Variants in CTSB observed in about 807,000 individuals in gnomAD.
The protein encoded by CTSB is APP secretase.
In CTSB, 57 loss-of-function variants were observed where a neutral mutation model predicts 44.3. The observed-to-expected ratio is 1.29, with a 90% CI of 1.04 to 1.60. CTSB has a LOEUF of 1.60. CTSB is among the 40% of genes most tolerant of loss of function. The pLI is 0.00. For missense variants in CTSB, 768 were observed against 443.0 expected, an observed-to-expected ratio of 1.73 and a Z score of -6.59; for synonymous variants, 320 against 168.0, an observed-to-expected ratio of 1.91 and a Z score of -7.00.
intron 1 of CTSB, among the ~76,000 whole-genome samples, chr8:11,860,722 G>A (rs1262682694): frequency 2.0e-5 from 3 of 152,248 alleles, no homozygotes; most frequent in Non-Finnish European, 4.4e-5. Flanking sequence ...CAGCAGAGCG[G>A]CTAAGAGCAC....
intron 7 of CTSB, among the ~76,000 whole-genome samples, 195 bp from the exon 8 acceptor site, chr8:11,847,363 G>A (rs1046596495): frequency 6.6e-6 from 1 of 152,156 alleles, no homozygotes; most frequent in Non-Finnish European, 1.5e-5. Flanking sequence ...CTCAGAAATG[G>A]GAGAACGGAG....
chr8:11,855,327 C>A (rs996270973), intron 1 of CTSB, among the ~76,000 whole-genome samples: 1 of 152,080 alleles, frequency 6.6e-6, no homozygotes, highest in Non-Finnish European at 1.5e-5. Context: ...GCCCACAGAT[C>A]TTAATTTAAA....
chr8:11,859,925 C>T (rs1337746305), intron 1 of CTSB, among the ~76,000 whole-genome samples: 3 of 151,330 alleles, frequency 2.0e-5, no homozygotes, highest in African/African-American at 7.3e-5. Context: ...ATACAAAACT[C>T]AGCCGGGCAT....
chr8:11,859,487 A>C (rs1441646630), intron 1 of CTSB, among the ~76,000 whole-genome samples: 1 of 152,182 alleles, frequency 6.6e-6, no homozygotes, highest in Admixed American at 6.5e-5. Context: ...CTGGCCAGGC[A>C]CAGTGGCTCA....
rs932158186 is a variant in CTSB, at chr8:11,846,707, C to G, written c.793+345G>C. ...ACAGAAACATGCTGGTAAAGCAATGCAAAGCCAGGAAGGCGAGGGCAGGCG... is the reference window on the plus strand; with the variant it reads ...ACAGAAACATGCTGGTAAAGCAATGGAAAGCCAGGAAGGCGAGGGCAGGCG... On this transcript the variant is annotated intron_variant, in intron 8 of 9. Transcript: ENST00000353047. Among the ~76,000 whole-genome samples the G allele has an allele frequency of 2.0e-5, 3 of 152,330 alleles. No individual in the cohort carries two copies. In the South Asian group the frequency reaches 6.2e-4, roughly 32 times the overall value.
In CTSB at chr8:11,842,537, A is replaced by G. The variant is rs912696566; in HGVS notation, c.*2588T>C. On this transcript the variant is annotated 3_prime_UTR_variant, in exon 10 of 10. Transcript: ENST00000353047. ...GAATCAACTCAGTTTGGGAGCAGGG[A>G]GAACTTTATTGAGGTTATGAATATA... 5.9e-5 allele frequency: 9 copies of G among 152,220 alleles called. No homozygotes were observed. The highest frequency in any genetic ancestry group is 2.2e-4 in the African/African-American group (9 of 41,444). The allele number at this position is 152,220 out of a possible 1,614,324, so 9.4% of individuals were successfully genotyped here.
rs1187289696 is a variant in CTSB at position 11,845,705 on chromosome 8, T to G, written c.878A>C (p.Tyr293Ser). 1.9e-6 allele frequency: 3 copies of G among 1,613,956 alleles called. No homozygotes were observed. The highest frequency in any genetic ancestry group is 1.3e-5 in the African/African-American group (1 of 74,922). Residue 293 changes from tyrosine (Y) to serine (S), a missense_variant, in exon 9 of 10, where the codon TAC (tyrosine) becomes TCC (serine). Tyr to Ser is a moderately radical substitution (Grantham distance 144, BLOSUM62 -2). Transcript: ENST00000353047. ...LGWGVENGTP[Y>S]WLVANSWNTD... is the part of the protein sequence containing the mutation. ...GTTCCAGGAGTTGGCAACCAGCCAG[T>G]AGGGTGTGCCATTCTCCACTCCCCA...
At chr8:11,864,720 G>C (rs902977686) in intron 1 of CTSB, among the ~76,000 whole-genome samples, 5 of 152,010 alleles carry the variant, frequency 3.3e-5, no homozygotes, top group Non-Finnish European at 7.4e-5. Flanking sequence ...ACTTTGGGAG[G>C]CGAGGCGGGC....
intron 4 of CTSB, 57 bp from the exon 5 acceptor site, chr8:11,849,221 G>A (rs1355819809): frequency 1.1e-5 from 16 of 1,456,856 alleles, no homozygotes; most frequent in Middle Eastern, 2.3e-4. Context: ...GCCCTCTGCA[G>A]CAGTCCCCTC....
rs1813518757 is a variant in CTSB, at chr8:11,847,094, C to G, written c.751G>C (p.Gly251Arg). Reference protein sequence around the residue: ...AEIYKNGPVEGAFSVYSDFLL... With the variant: ...AEIYKNGPVERAFSVYSDFLL... ...AAGTCCGAATACACAGAGAAAGCTC[C>G]CTCCACGGGGCCGTTTTTGTAGATC... Residue 251 changes from glycine to arginine, a missense_variant, in exon 8 of 10, where the codon GGA becomes CGA. By Grantham distance (125) the Gly-to-Arg change is moderately radical. Transcript: ENST00000353047. The G allele has an allele frequency of 1.2e-6, 2 of 1,613,558 alleles. No homozygotes were observed. Among genetic ancestry groups the G allele is most frequent in the Non-Finnish European group, 1.7e-6 (2 of 1,179,440 alleles).
rs2272766 is a variant in CTSB, at chr8:11,850,846, G to A, written c.327+20C>T. Reference sequence around the variant, plus strand: ...CCCACTTTCTCTCCAGCGCTTCCCCGCCAGCCAGCAGGGCCTTACCCAGCA... The same window carrying A: ...CCCACTTTCTCTCCAGCGCTTCCCCACCAGCCAGCAGGGCCTTACCCAGCA... On this transcript the variant is annotated intron_variant, in intron 4 of 9. Coordinates refer to ENST00000353047, the MANE Select transcript of CTSB (RefSeq NM_001908.5). 0.37 allele frequency: 577,136 copies of A among 1,578,260 alleles called. 106,796 individuals carry two copies. The highest frequency in any genetic ancestry group is 0.49 in the East Asian group (21,805 of 44,464).
intron 8 of CTSB, 39 bp downstream of exon 8, chr8:11,847,010 CCCG>C: frequency 1.1e-6 from 1 of 910,518 alleles, no homozygotes; most frequent in Non-Finnish European, 1.8e-6. Flanking sequence ...AGGCTCCCCT[CCCG>C]ACCCCCACCC....
intron 4 of CTSB, among the ~76,000 whole-genome samples, chr8:11,850,438 A>AAAAC (rs1814359729): frequency 1.4e-5 from 1 of 69,012 alleles, no homozygotes; most frequent in African/African-American, 5.2e-5. Flanking sequence ...AAAAAAAAAA[A>AAAAC]AAAGAAAGAA....
Position 11,844,392 on chromosome 8 carries a change from A to C in CTSB, c.*733T>G, listed in dbSNP as rs752935933. ...ACAGGGTGAAGCTGTAATTTTTCAAAAACAGTAAAAGCTGGTTTCTCCTAA... is the reference window on the plus strand; with the variant it reads ...ACAGGGTGAAGCTGTAATTTTTCAACAACAGTAAAAGCTGGTTTCTCCTAA... On this transcript the variant is annotated 3_prime_UTR_variant, in exon 10 of 10. Transcript: ENST00000353047. The C allele has an allele frequency of 2.6e-5, 4 of 152,174 alleles. No homozygotes were observed. The highest frequency in any genetic ancestry group is 9.7e-5 in the African/African-American group (4 of 41,430). The allele number at this position is 152,174 out of a possible 1,614,324, so 9.4% of individuals were successfully genotyped here.
At position 11,852,646 on chromosome 8, in the gene CTSB, CAT is replaced by C. The variant is rs1046591213; in HGVS notation, c.174_175del (p.Cys59TrpfsTer60). ...CTTGGGCCCACCCAGGAAGGTACCA[CAT>C]AGCCTCTTCAAGTAGCTCATGTCCA... On this transcript the variant is annotated frameshift_variant, in exon 3 of 10. Coordinates refer to ENST00000353047, the MANE Select transcript of CTSB (RefSeq NM_001908.5). LOFTEE classifies it high-confidence loss of function. 1 of 1,613,966 alleles carries C rather than the reference CAT, an allele frequency of 6.2e-7. No homozygotes were observed. The highest frequency in any genetic ancestry group is 8.5e-7 in the Non-Finnish European group (1 of 1,180,036).
At chr8:11,846,986 C>A in intron 8 of CTSB, 66 bp downstream of exon 8, 2 of 855,860 alleles carry the variant, frequency 2.3e-6, no homozygotes, top group South Asian at 2.7e-5. Context: ...TCAACATGAA[C>A]CATCCTGGCA....
intron 1 of CTSB, among the ~76,000 whole-genome samples, chr8:11,855,958 G>A (rs1815433738): frequency 6.6e-6 from 1 of 152,152 alleles, no homozygotes; most frequent in African/African-American, 2.4e-5. Flanking sequence ...AACCCAGGAG[G>A]TGGAGATTGC....
intron 5 of CTSB, chr8:11,848,816 G>GT: frequency 2.2e-6 from 1 of 454,872 alleles, no homozygotes; most frequent in Non-Finnish European, 4.1e-6. Context: ...GAAACTGACT[G>GT]TTTTGCTGGG....
chr8:11,854,978 T>A (rs1016593810), intron 1 of CTSB: 1 of 152,296 alleles, frequency 6.6e-6, no homozygotes, highest in African/African-American at 2.4e-5. Context: ...AGTCTGAATC[T>A]TCACACTGGA....
Sources: gnomAD v4.1 joint callset for allele counts (sites outside exome capture counted in the v4.1 genomes callset) on GRCh38, gnomAD v4.1.1 for gene constraint, MANE v1.5 for transcripts, NCBI Gene and HGNC (gene_info 2026-07-23, HGNC 2026-07-21) for gene names.